Variants in ADAMTS13 observed in about 807,000 individuals in gnomAD.
ADAMTS13 encodes A disintegrin and metalloproteinase with thrombospondin motifs 13.
Under a neutral mutation model 155.1 loss-of-function variants are expected in ADAMTS13, and 110 were observed. The ratio of observed to expected loss-of-function variants is 0.71; its 90% CI spans 0.61 to 0.83. ADAMTS13 has a LOEUF of 0.83. ADAMTS13 is among the 40% of genes least tolerant of loss of function. The pLI, the probability that ADAMTS13 is intolerant of heterozygous loss-of-function variation, is 0.00. For synonymous variants in ADAMTS13, 758 were observed against 756.4 expected, an observed-to-expected ratio of 1.00 and a Z score of -0.03; for missense variants, 1,707 against 1,891.7, an observed-to-expected ratio of 0.90 and a Z score of 1.81.
intron 19 of ADAMTS13, 98 bp from the exon 20 acceptor site, chr9:133,444,765 G>A (rs1841937909): frequency 1.6e-6 from 2 of 1,282,108 alleles, no homozygotes; most frequent in South Asian, 2.6e-5. Context: ...CTGGATGTTG[G>A]GGAGCAGGTC....
chr9:133,428,836 CCT>C (rs1208721200), intron 7 of ADAMTS13, 65 bp downstream of exon 7: 1 of 1,220,446 alleles, frequency 8.2e-7, no homozygotes, highest in Admixed American at 4.5e-5. Flanking sequence ...GCCAGCGCCA[CCT>C]CTCTCTACGT....
At chr9:133,433,952 C>T (rs944172532) in intron 11 of ADAMTS13, among the ~76,000 whole-genome samples, 3 of 151,922 alleles carry the variant, frequency 2.0e-5, no homozygotes, top group Non-Finnish European at 2.9e-5. Context: ...AAAAATTAGC[C>T]GGGCGTGGTG....
At position 133,439,541 on chromosome 9, in the gene ADAMTS13, G is replaced by A. The variant is rs1002150348; in HGVS notation, c.1786+95G>A. On this transcript the variant is annotated intron_variant, in intron 15 of 28. Coordinates refer to ENST00000355699, the MANE Select transcript of ADAMTS13 (RefSeq NM_139027.6). Reference sequence around the variant, plus strand: ...CCCTCACTTCTGACATCACCCGCAAGTTCAGGGGGTTCCCCAAACCACCCT... The same window carrying A: ...CCCTCACTTCTGACATCACCCGCAAATTCAGGGGGTTCCCCAAACCACCCT... The A allele has an allele frequency of 9.6e-6, 11 of 1,146,380 alleles. No homozygotes were observed. In the African/African-American group the frequency reaches 1.5e-4, roughly 16 times the overall value. The allele number at this position is 1,146,380 out of a possible 1,614,324, so 71.0% of individuals were successfully genotyped here.
At chr9:133,417,237 G>A (rs1371430468), upstream of ADAMTS13, among the ~76,000 whole-genome samples, 3 of 152,308 alleles carry the variant, frequency 2.0e-5, no homozygotes, top group African/African-American at 4.8e-5. Flanking sequence ...GGCTGGTCTT[G>A]AACTCTTGAC....
intron 23 of ADAMTS13, among the ~76,000 whole-genome samples, chr9:133,450,722 C>G (rs1554794121): frequency 1.3e-5 from 2 of 152,214 alleles, no homozygotes; most frequent in East Asian, 3.8e-4. Flanking sequence ...GGCACTCCAG[C>G]CTGGGCTACA....
At chr9:133,457,041 G>A in intron 27 of ADAMTS13, 1 of 455,914 alleles carries the variant, frequency 2.2e-6, no homozygotes, top group Non-Finnish European at 4.1e-6. Context: ...CCTTTCAAGG[G>A]CTTTTAGGGT....
At chr9:133,430,250 G>T in intron 8 of ADAMTS13, 149 bp downstream of exon 8, 1 of 980,052 alleles carries the variant, frequency 1.0e-6, no homozygotes, top group South Asian at 1.4e-5. Flanking sequence ...AATGCTGTCT[G>T]TGCCCTCTAG....
At chr9:133,419,941 G>A (rs1348732016), upstream of ADAMTS13, among the ~76,000 whole-genome samples, 2 of 144,874 alleles carry the variant, frequency 1.4e-5, no homozygotes, top group African/African-American at 5.1e-5. Flanking sequence ...TTATGCTCTT[G>A]TCGCCCAGGC....
intron 2 of ADAMTS13, 143 bp downstream of exon 2, chr9:133,423,310 C>G: frequency 1.3e-6 from 1 of 786,662 alleles, no homozygotes; most frequent in Non-Finnish European, 2.1e-6. Context: ...TGTTAATTAA[C>G]TCTGTTACTT....
At chr9:133,427,255 T>C (rs1475294488) in intron 6 of ADAMTS13, among the ~76,000 whole-genome samples, 6 of 152,240 alleles carry the variant, frequency 3.9e-5, no homozygotes, top group Non-Finnish European at 7.3e-5. Flanking sequence ...GAACACGTCT[T>C]CCTGTTGTGA....
intron 18 of ADAMTS13, 122 bp from the exon 19 acceptor site, chr9:133,443,254 A>G (rs1588184086): frequency 1.6e-6 from 2 of 1,244,104 alleles, no homozygotes; most frequent in Admixed American, 2.0e-5. Flanking sequence ...TGGAGAGGCT[A>G]GGCTGGCCGT....
rs34569244 is a variant in ADAMTS13, at chr9:133,440,457, G to A, written c.1900G>A (p.Glu634Lys). Reference protein sequence around the residue: ...GRVEYRVALTEDRLPRLEEIR... With the variant: ...GRVEYRVALTKDRLPRLEEIR... ...TGTCGAGTACAGAGTGGCCCTCACCGAGGACCGGCTGCCCCGCCTGGAGGA... is the reference window on the plus strand; with the variant it reads ...TGTCGAGTACAGAGTGGCCCTCACCAAGGACCGGCTGCCCCGCCTGGAGGA... Residue 634 changes from glutamate (E) to lysine (K), a missense_variant, in exon 16 of 29, where the codon GAG becomes AAG. This residue lies in a region of ADAMTS13 where 961 missense variants were observed against 1,107.9 expected (regional missense o/e 0.87). Coordinates refer to ENST00000355699, the MANE Select transcript of ADAMTS13 (RefSeq NM_139027.6). This position sits in a 1 kb window ranked among gnomAD's most constrained non-coding sequence, Gnocchi z 4.3. 30 of 1,613,516 alleles carry A rather than the reference G, an allele frequency of 1.9e-5. No individual in the cohort carries two copies. Among genetic ancestry groups the A allele is most frequent in the African/African-American group, 1.1e-4 (8 of 74,872 alleles).
At position 133,430,821 on chromosome 9, in the gene ADAMTS13, T is replaced by C. The variant is rs587774878; in HGVS notation, c.987+720T>C. ...GACTACAGGCGCCCGCCACCACGCC[T>C]GGCTAATTTTTTGTATTTTTAGTAG... On this transcript the variant is annotated intron_variant, in intron 8 of 28. Transcript: ENST00000355699. Among the ~76,000 whole-genome samples the C allele has an allele frequency of 2.6e-3, 383 of 149,012 alleles. 1 individual carries two copies. Among genetic ancestry groups the C allele is most frequent in the African/African-American group, 8.6e-3 (347 of 40,224 alleles).
rs1554788111 is a variant in ADAMTS13 at position 133,433,446 on chromosome 9, G to A, written c.1161G>A (p.Trp387Ter). The A allele has an allele frequency of 6.2e-7, 1 of 1,613,500 alleles. No homozygotes were observed. Among genetic ancestry groups the A allele is most frequent in the Non-Finnish European group, 8.5e-7 (1 of 1,179,950 alleles). Residue 387 changes from tryptophan (W) to a stop codon, truncating the protein, a stop_gained, in exon 10 of 29, where the codon TGG (tryptophan) becomes TGA (stop). Coordinates refer to ENST00000355699, the MANE Select transcript of ADAMTS13 (RefSeq NM_139027.6). LOFTEE classifies it high-confidence loss of function. ...LTPIAAVHGR[W>*]SSWGPRSPCS... ...CCATAGCAGCAGTGCATGGGCGCTG[G>A]TCTAGCTGGGGTCCCCGAAGTCCTT...
chr9:133,452,593 G>T (rs1842499114), intron 23 of ADAMTS13, among the ~76,000 whole-genome samples: 1 of 152,196 alleles, frequency 6.6e-6, no homozygotes, highest in South Asian at 2.1e-4. Context: ...TGCCTGCATG[G>T]TGCTTAAACT....
Position 133,454,398 on chromosome 9 carries a change from G to A in ADAMTS13, c.3045-17G>A, listed in dbSNP as rs781798072. The A allele has an allele frequency of 1.2e-6, 2 of 1,613,576 alleles. No homozygotes were observed. The highest frequency in any genetic ancestry group is 1.7e-6 in the Non-Finnish European group (2 of 1,179,942). On this transcript the variant is annotated splice_polypyrimidine_tract_variant and intron_variant, in intron 23 of 28. Transcript: ENST00000355699. ...TGGGGAGACCTAGCCTCTCTCTGGG[G>A]TCTTCTCTTCCTGCAGGTGGAAAGT...
At chr9:133,442,205 A>G (rs587603981) in intron 16 of ADAMTS13, among the ~76,000 whole-genome samples, 194 bp from the exon 17 acceptor site, 1 of 152,252 alleles carries the variant, frequency 6.6e-6, no homozygotes, top group Admixed American at 6.5e-5. Flanking sequence ...TCCTGGGCTC[A>G]AGTGATCTGC....
At chr9:133,447,808 G>C (rs1260837658) in intron 21 of ADAMTS13, among the ~76,000 whole-genome samples, 2 of 150,516 alleles carry the variant, frequency 1.3e-5, no homozygotes, top group Non-Finnish European at 3.0e-5. Flanking sequence ...TGGCCACGCT[G>C]GTCTCAAACT....
Position 133,458,072 on chromosome 9 carries a change from G to A in ADAMTS13, c.3887G>A (p.Gly1296Glu). 6.2e-7 allele frequency: 1 copy of A among 1,613,452 alleles called. No individual in the cohort carries two copies. Among genetic ancestry groups the A allele is most frequent in the Non-Finnish European group, 8.5e-7 (1 of 1,180,024 alleles). Residue 1296 changes from glycine (G) to glutamate (E), a missense_variant, in exon 28 of 29, where the codon GGA (glycine) becomes GAA (glutamate). Physicochemically the swap from Gly to Glu is moderately conservative, Grantham distance 98. Around this residue, in one of 3 missense-constraint regions of ADAMTS13, gnomAD observed 961 missense variants for 1,107.9 expected, o/e 0.87. Transcript: ENST00000355699. ...LATNMGAGTE[G>E]ANASYILIRD... Reference sequence around the variant, plus strand: ...ACCAACATGGGCGCTGGGACCGAGGGAGCCAATGCCAGCTACATCTTGGTG... The same window carrying A: ...ACCAACATGGGCGCTGGGACCGAGGAAGCCAATGCCAGCTACATCTTGGTG...
Sources: allele counts gnomAD v4.1 joint callset (sites outside exome capture counted in the v4.1 genomes callset), GRCh38; gene constraint gnomAD v4.1.1; regional missense constraint gnomAD v4.1.1; non-coding constraint Gnocchi (gnomAD v3.1); transcripts MANE v1.5; gene names NCBI Gene and HGNC (gene_info 2026-07-23, HGNC 2026-07-21).